Variants in ANK3 observed in about 807,000 individuals in gnomAD.
ANK3 encodes ankyrin-3.
Under a neutral mutation model 370.9 loss-of-function variants are expected in ANK3, and 57 were observed. That is an observed-to-expected ratio of 0.15 (90% CI 0.12 to 0.19). ANK3 has a LOEUF of 0.19. Among genes scored for constraint, ANK3 ranks in the 10% least tolerant of loss-of-function variants. ANK3 has a pLI of 1.00. For missense variants in ANK3, 4,439 were observed against 5,302.1 expected (o/e 0.84, Z 5.06); for synonymous variants, 1,929 against 1,946.3 (o/e 0.99, Z 0.23).
intron 8 of ANK3, among the ~76,000 whole-genome samples, chr10:60,231,138 T>C (rs1419371639): frequency 6.6e-6 from 1 of 152,214 alleles, no homozygotes; most frequent in Non-Finnish European, 1.5e-5. Flanking sequence ...CACTACTTGC[T>C]AGTCACACTT....
chr10:60,123,096 G>A (rs779014003), intron 25 of ANK3, among the ~76,000 whole-genome samples: 1 of 152,146 alleles, frequency 6.6e-6, no homozygotes, highest in Non-Finnish European at 1.5e-5. Flanking sequence ...ATGAGGTTTA[G>A]AAAGACTTCA....
intron 43 of ANK3, among the ~76,000 whole-genome samples, chr10:60,031,489 T>A (rs934476001): frequency 6.6e-6 from 1 of 152,192 alleles, no homozygotes; most frequent in African/African-American, 2.4e-5. Context: ...CTCTCCTCCT[T>A]GTTTAGTGTG....
chr10:60,657,443 C>G (rs1442536690), intron 1 of ANK3, among the ~76,000 whole-genome samples: 1 of 152,128 alleles, frequency 6.6e-6, no homozygotes, highest in Non-Finnish European at 1.5e-5. Context: ...TGCATCATGC[C>G]TGGTCTAATT....
At chr10:60,300,619 T>G in intron 1 of ANK3, 1 of 1,056,982 alleles carries the variant, frequency 9.5e-7, no homozygotes, top group Non-Finnish European at 1.2e-6. Flanking sequence ...CTCTGTGGAT[T>G]TAGTCATGAT....
intron 42 of ANK3, 21 bp downstream of exon 42, chr10:60,055,637 C>T: frequency 6.3e-7 from 1 of 1,577,248 alleles, no homozygotes; most frequent in Non-Finnish European, 8.6e-7. Context: ...ATGACTGCTA[C>T]CGGATGACCA....
intron 7 of ANK3, among the ~76,000 whole-genome samples, chr10:60,236,614 C>A (rs779147584): frequency 4.6e-5 from 7 of 152,118 alleles, no homozygotes; most frequent in African/African-American, 1.7e-4. Flanking sequence ...TAGTTAAATG[C>A]TTTTAATGGT....
At position 60,072,950 on chromosome 10, in the gene ANK3, T is replaced by C. The variant is rs1490526453; in HGVS notation, c.7931A>G (p.Asp2644Gly). The change falls in exon 37 of 44, where the codon GAT (aspartate) becomes GGT (glycine). Residue 2644 changes from aspartate to glycine, a missense_variant. Coordinates refer to ENST00000280772, the MANE Select transcript of ANK3 (RefSeq NM_020987.5). ...VLLTELLASN[D>G]EWVKARQHGP... is the part of the protein sequence containing the mutation. ...ATGCTGTCTTGCCTTAACCCACTCA[T>C]CATTGGATGCCAGCAGTTCTGTCAG... 1 of 1,614,094 alleles carries C rather than the reference T, an allele frequency of 6.2e-7. No homozygotes were observed.
intron 18 of ANK3, among the ~76,000 whole-genome samples, chr10:60,176,329 T>G (rs1394191184): frequency 7.5e-6 from 1 of 133,080 alleles, no homozygotes; most frequent in Non-Finnish European, 1.5e-5. Flanking sequence ...CATGCCCATG[T>G]ACTCCAGCCT....
chr10:60,649,401 G>A (rs1456703315), intron 1 of ANK3, among the ~76,000 whole-genome samples: 1 of 151,898 alleles, frequency 6.6e-6, no homozygotes, highest in African/African-American at 2.4e-5. Context: ...AAAAGCACAG[G>A]CATCTTAATA....
intron 2 of ANK3, among the ~76,000 whole-genome samples, chr10:60,487,207 C>T (rs529483899): frequency 6.6e-6 from 1 of 152,260 alleles, no homozygotes; most frequent in South Asian, 2.1e-4. Context: ...CTGCATTACT[C>T]AGAATATTTA....
At position 60,389,792 on chromosome 10, in the gene ANK3, C is replaced by T. The variant is rs2132870590; in HGVS notation, c.-254G>A. On this transcript the variant is annotated 5_prime_UTR_variant, in exon 1 of 44. The change abolishes an upstream ATG in the 5' untranslated region. Transcript: ENST00000280772. Reference sequence around the variant, plus strand: ...ACAGGAGAGTGCAGCCATCGTAATGCATTTACCGTAGTGAAGAAGACAGCT... The same window carrying T: ...ACAGGAGAGTGCAGCCATCGTAATGTATTTACCGTAGTGAAGAAGACAGCT... 25 of 1,288,812 alleles carry T rather than the reference C, an allele frequency of 1.9e-5. No individual in the cohort carries two copies. Among genetic ancestry groups the T allele is most frequent in the African/African-American group, 4.5e-5 (3 of 66,078 alleles). The allele number at this position is 1,288,812 out of a possible 1,614,324, so 79.8% of individuals were successfully genotyped here. A position where few individuals can be genotyped will look rare whatever the true frequency, so the allele number is the denominator to read the frequency against.
intron 28 of ANK3, among the ~76,000 whole-genome samples, chr10:60,105,060 G>C (rs2091972335): frequency 6.6e-6 from 1 of 152,122 alleles, no homozygotes. Context: ...AAAAAGAGTG[G>C]ATCTTATGGA....
intron 1 of ANK3, among the ~76,000 whole-genome samples, chr10:60,710,341 A>G (rs1400904398): frequency 6.6e-6 from 1 of 152,154 alleles, no homozygotes. Context: ...TAGAGTTAGG[A>G]TTTAATACTG....
At chr10:60,323,236 T>C (rs2132900869) in intron 1 of ANK3, among the ~76,000 whole-genome samples, 1 of 152,328 alleles carries the variant, frequency 6.6e-6, no homozygotes, top group African/African-American at 2.4e-5. Context: ...AACAAATGTC[T>C]GTGCAGGAGC....
chr10:60,038,779 C>A (rs1369521014), intron 43 of ANK3, among the ~76,000 whole-genome samples: 2 of 152,100 alleles, frequency 1.3e-5, no homozygotes, highest in Non-Finnish European at 2.9e-5. Flanking sequence ...AGATCACACA[C>A]CAATCTTACA....
At chr10:60,180,599 A>AAAAAAAAAAAAT (rs2132341937) in intron 18 of ANK3, among the ~76,000 whole-genome samples, 1 of 130,744 alleles carries the variant, frequency 7.6e-6, no homozygotes. Flanking sequence ...CGTCTCAAAA[A>AAAAAAAAAAAAT]AAAAAAAAAA....
At chr10:60,428,766 C>A (rs186010359) in intron 2 of ANK3, among the ~76,000 whole-genome samples, 4 of 152,114 alleles carry the variant, frequency 2.6e-5, no homozygotes, top group Non-Finnish European at 4.4e-5. Flanking sequence ...GGACATAGAA[C>A]GAACTCTGAC....
intron 38 of ANK3, among the ~76,000 whole-genome samples, chr10:60,067,422 T>C (rs1318762391): frequency 1.3e-5 from 2 of 152,182 alleles, no homozygotes; most frequent in Non-Finnish European, 2.9e-5. Flanking sequence ...AAGAAGAGTA[T>C]CAGATAAATA....
At chr10:60,355,061 A>C (rs2057511844) in intron 1 of ANK3, among the ~76,000 whole-genome samples, 1 of 152,218 alleles carries the variant, frequency 6.6e-6, no homozygotes, top group Non-Finnish European at 1.5e-5. Context: ...TAATTTAGCC[A>C]CTTAAGAAAT....
Sources: allele counts gnomAD v4.1 joint callset (sites outside exome capture counted in the v4.1 genomes callset), GRCh38; gene constraint gnomAD v4.1.1; transcripts MANE v1.5; gene names NCBI Gene and HGNC (gene_info 2026-07-23, HGNC 2026-07-21).